Variants in KCNIP4 observed in about 807,000 individuals in gnomAD.
The protein encoded by KCNIP4 is Kv channel-interacting protein 4.
A neutral mutation model predicts 34.0 loss-of-function variants in KCNIP4; 12 were observed. That is an observed-to-expected ratio of 0.35 (90% CI 0.23 to 0.57). KCNIP4 has a LOEUF of 0.57. KCNIP4 is among the 20% of genes least tolerant of loss of function. The pLI is 0.83. For missense variants in KCNIP4, 238 were observed against 311.7 expected (o/e 0.76, Z 1.78); for synonymous variants, 124 against 102.2 (o/e 1.21, Z -1.29).
At chr4:21,025,579 A>G (rs1577556448) in intron 1 of KCNIP4, among the ~76,000 whole-genome samples, 1 of 78,170 alleles carries the variant, frequency 1.3e-5, no homozygotes, top group Non-Finnish European at 2.3e-5. Context: ...TTTGAGACGG[A>G]GTCTCACTCT....
intron 1 of KCNIP4, among the ~76,000 whole-genome samples, chr4:21,150,755 T>C (rs1752697165): frequency 6.6e-6 from 1 of 152,250 alleles, no homozygotes; most frequent in Admixed American, 6.5e-5. Flanking sequence ...AATTCTGCCC[T>C]GGCAGAAAAA....
At chr4:21,052,812 G>A (rs890298776) in intron 1 of KCNIP4, among the ~76,000 whole-genome samples, 1 of 152,150 alleles carries the variant, frequency 6.6e-6, no homozygotes, top group Non-Finnish European at 1.5e-5. Context: ...ACTTGGCACT[G>A]TCTGTATCTG....
At chr4:20,906,505 C>A (rs891334842) in intron 1 of KCNIP4, among the ~76,000 whole-genome samples, 53 of 152,240 alleles carry the variant, frequency 3.5e-4, no homozygotes, top group African/African-American at 1.3e-3. Context: ...CCAGGAACTC[C>A]ACTAGACATA....
intron 1 of KCNIP4, among the ~76,000 whole-genome samples, chr4:21,336,851 G>C (rs769077968): frequency 6.6e-6 from 1 of 152,080 alleles, no homozygotes; most frequent in Non-Finnish European, 1.5e-5. Context: ...TATAAGACTG[G>C]AGGAGATGCA....
chr4:21,219,113 C>A (rs925780511), intron 1 of KCNIP4, among the ~76,000 whole-genome samples: 1 of 152,074 alleles, frequency 6.6e-6, no homozygotes, highest in African/African-American at 2.4e-5. Context: ...CTTTTGTGAA[C>A]AAAATATGCA....
rs139355880 is a variant in KCNIP4 at position 20,864,117 on chromosome 4, T to G, written c.164-13450A>C. ...ATGTATACGTATGTATGTATACATA[T>G]CCATGTATACACATGTATGTATACA... On this transcript the variant is annotated intron_variant, in intron 2 of 8. Transcript: ENST00000382152. Among the ~76,000 whole-genome samples the G allele has an allele frequency of 4.9e-3, 601 of 123,240 alleles. 5 individuals carry two copies. Among genetic ancestry groups the G allele is most frequent in the African/African-American group, 0.015 (577 of 39,222 alleles). The allele number at this position is 123,240 out of a possible 152,430, so 80.9% of individuals were successfully genotyped here.
intron 6 of KCNIP4, among the ~76,000 whole-genome samples, chr4:20,733,414 C>G (rs2149269236): frequency 6.6e-6 from 1 of 152,264 alleles, no homozygotes; most frequent in Non-Finnish European, 1.5e-5. Flanking sequence ...AAAATAATCT[C>G]TAATAACTTA....
intron 1 of KCNIP4, among the ~76,000 whole-genome samples, chr4:21,412,902 C>A (rs910900253): frequency 6.6e-6 from 1 of 152,130 alleles, no homozygotes; most frequent in Non-Finnish European, 1.5e-5. Flanking sequence ...TTCCTCTATC[C>A]CTTTTCCATT....
At chr4:20,827,076 G>A (rs1034748569) in intron 3 of KCNIP4, among the ~76,000 whole-genome samples, 1 of 152,176 alleles carries the variant, frequency 6.6e-6, no homozygotes, top group African/African-American at 2.4e-5. Context: ...ACAGAATACA[G>A]CAGAAATAAT....
intron 1 of KCNIP4, among the ~76,000 whole-genome samples, chr4:21,333,657 T>A (rs562259673): frequency 6.6e-6 from 1 of 151,952 alleles, no homozygotes; most frequent in African/African-American, 2.4e-5. Context: ...CTTGCTGACA[T>A]TTAACCATTA....
In KCNIP4 at chr4:21,588,838, A is replaced by G. The variant is rs531516648; in HGVS notation, c.61+359733T>C. On this transcript the variant is annotated intron_variant, in intron 1 of 8. Transcript: ENST00000382152. The stretch of plus-strand genomic sequence containing the variant: ...TTTGTATATCATAGTATTTGTAATT[A>G]GTAATAAGTCACTACGACATAAGGA... Among the ~76,000 whole-genome samples the G allele has an allele frequency of 1.2e-4, 18 of 151,846 alleles. No individual in the cohort carries two copies. In the South Asian group the frequency reaches 3.5e-3, roughly 30 times the overall value.
rs551916482 is a variant in KCNIP4, at chr4:21,865,692, G to A, written c.61+82879C>T. Reference sequence around the variant, plus strand: ...GGAGTCGCTGGGATTACAGGCATGCGCCACCATGCCCAGCTAATTTTTGTA... The same window carrying A: ...GGAGTCGCTGGGATTACAGGCATGCACCACCATGCCCAGCTAATTTTTGTA... On this transcript the variant is annotated intron_variant, in intron 1 of 8. Coordinates refer to ENST00000382152, the MANE Select transcript of KCNIP4 (RefSeq NM_025221.6). Among the ~76,000 whole-genome samples, 115 of 151,902 alleles carry A rather than the reference G, an allele frequency of 7.6e-4. 1 individual carries two copies. The highest frequency in any genetic ancestry group is 1.1e-3 in the Non-Finnish European group (72 of 67,956).
At chr4:21,445,363 A>C (rs1296245149) in intron 1 of KCNIP4, among the ~76,000 whole-genome samples, 1 of 152,200 alleles carries the variant, frequency 6.6e-6, no homozygotes, top group Non-Finnish European at 1.5e-5. Context: ...ACGCTACCTG[A>C]CTTCAAACTA....
rs553882392 is a variant in KCNIP4 at position 20,956,362 on chromosome 4, G to A, written c.62-73653C>T. ...TACTAAAAATACAAAAAAATTAGCCGGGCGTGGTGGCGGGTGCCCGTGGTC... is the reference window on the plus strand; with the variant it reads ...TACTAAAAATACAAAAAAATTAGCCAGGCGTGGTGGCGGGTGCCCGTGGTC... On this transcript the variant is annotated intron_variant, in intron 1 of 8. Coordinates refer to ENST00000382152, the MANE Select transcript of KCNIP4 (RefSeq NM_025221.6). Among the ~76,000 whole-genome samples the A allele has an allele frequency of 8.5e-5, 13 of 152,136 alleles. No homozygotes were observed. The East Asian group carries it at 1.2e-3, about 14-fold the overall frequency.
At chr4:21,502,132 G>A (rs1733418348) in intron 1 of KCNIP4, among the ~76,000 whole-genome samples, 1 of 151,962 alleles carries the variant, frequency 6.6e-6, no homozygotes, top group African/African-American at 2.4e-5. Context: ...TATGAGAGCA[G>A]TATAAAGGAG....
chr4:21,911,377 A>C (rs1265817466), intron 1 of KCNIP4, among the ~76,000 whole-genome samples: 2 of 152,166 alleles, frequency 1.3e-5, no homozygotes, highest in African/African-American at 4.8e-5. Flanking sequence ...AACTGGTTAG[A>C]AGATTCTCTC....
chr4:21,860,788 C>T (rs886249191), intron 1 of KCNIP4, among the ~76,000 whole-genome samples: 7 of 152,154 alleles, frequency 4.6e-5, no homozygotes, highest in African/African-American at 1.7e-4. Context: ...TATAGATATA[C>T]ACGTGACATA....
At chr4:21,035,130 G>A (rs111340048) in intron 1 of KCNIP4, among the ~76,000 whole-genome samples, 1 of 152,296 alleles carries the variant, frequency 6.6e-6, no homozygotes, top group Non-Finnish European at 1.5e-5. Context: ...GGGATGCAAT[G>A]TTTTGGGGGA....
chr4:21,612,757 A>T (rs1424907991), intron 1 of KCNIP4, among the ~76,000 whole-genome samples: 1 of 152,184 alleles, frequency 6.6e-6, no homozygotes, highest in Admixed American at 6.5e-5. Flanking sequence ...GTCACCTTTA[A>T]TCCAAGCCAA....
Sources: gnomAD v4.1 joint callset for allele counts (sites outside exome capture counted in the v4.1 genomes callset) on GRCh38, gnomAD v4.1.1 for gene constraint, MANE v1.5 for transcripts, NCBI Gene and HGNC (gene_info 2026-07-23, HGNC 2026-07-21) for gene names.